BBS9: variants seen among roughly 807,000 people sequenced by gnomAD.
BBS9 encodes the protein protein PTHB1.
BBS9 carries 89 observed loss-of-function variants against 117.7 expected under a neutral mutation model. The observed-to-expected ratio is 0.76, with a 90% confidence interval of 0.64 to 0.90. The LOEUF (loss-of-function observed/expected upper bound fraction) is 0.90, where lower values mean the gene tolerates loss of function less well. BBS9 is among the 40% of genes least tolerant of loss of function. The probability of loss-of-function intolerance (pLI) is 0.00; values close to 1 mark genes in which losing one functional copy is unlikely to be tolerated. For synonymous variants in BBS9, 379 were observed against 370.9 expected (o/e 1.02, Z -0.25); for missense variants, 982 against 1,042.2 (o/e 0.94, Z 0.80).
chr7:33,633,978 A>G (rs1487649550), intron 21 of BBS9, among the ~76,000 whole-genome samples: 1 of 152,180 alleles, frequency 6.6e-6, no homozygotes, highest in African/African-American at 2.4e-5. Flanking sequence ...TTCACAATTC[A>G]GATCTGAGAC....
At chr7:33,402,650 T>C (rs922800989) in intron 19 of BBS9, among the ~76,000 whole-genome samples, 1 of 152,208 alleles carries the variant, frequency 6.6e-6, no homozygotes, top group South Asian at 2.1e-4. Context: ...TTTTTGAGGT[T>C]CATCTATCAG....
At chr7:33,166,501 C>T (rs915916908) in intron 4 of BBS9, among the ~76,000 whole-genome samples, 4 of 152,254 alleles carry the variant, frequency 2.6e-5, no homozygotes, top group Admixed American at 2.0e-4. Flanking sequence ...TGCTAAGCTG[C>T]GGTGGGCTCC....
intron 5 of BBS9, among the ~76,000 whole-genome samples, chr7:33,180,118 G>A (rs1007562884): frequency 1.7e-4 from 26 of 151,848 alleles, no homozygotes; most frequent in Admixed American, 3.9e-4. Context: ...TTCCATAACC[G>A]TCTTTCCTGC....
intron 9 of BBS9, among the ~76,000 whole-genome samples, chr7:33,296,433 A>G (rs186626901): frequency 7.9e-5 from 12 of 152,296 alleles, no homozygotes; most frequent in Admixed American, 2.0e-4. Context: ...CACAAGTTGC[A>G]TTATTTGGCA....
At chr7:33,326,303 C>A (rs1812830209) in intron 9 of BBS9, among the ~76,000 whole-genome samples, 1 of 147,734 alleles carries the variant, frequency 6.8e-6, no homozygotes, top group Non-Finnish European at 1.5e-5. Flanking sequence ...GCAGTGAGTA[C>A]TATCTGGCTA....
intron 3 of BBS9, 97 bp from the exon 4 acceptor site, chr7:33,155,541 G>T: frequency 1.3e-6 from 1 of 755,660 alleles, no homozygotes. Context: ...ACTCACAGTG[G>T]CTGTGGTTAT....
At chr7:33,283,267 T>G (rs537843422) in intron 9 of BBS9, among the ~76,000 whole-genome samples, 2 of 152,326 alleles carry the variant, frequency 1.3e-5, no homozygotes, top group East Asian at 3.9e-4. Flanking sequence ...AAAGTTGCTG[T>G]GGAAAAGCCT....
intron 19 of BBS9, among the ~76,000 whole-genome samples, chr7:33,419,133 AACTGT>A (rs1462753419): frequency 2.0e-5 from 3 of 152,128 alleles, no homozygotes; most frequent in African/African-American, 7.2e-5. Context: ...TTTAAGCTCA[AACTGT>A]AGTAAGGTCT....
At chr7:33,260,624 G>A (rs1162580420) in intron 6 of BBS9, among the ~76,000 whole-genome samples, 1 of 152,194 alleles carries the variant, frequency 6.6e-6, no homozygotes, top group Non-Finnish European at 1.5e-5. Context: ...CAACAGGCTT[G>A]TGTGCCATAC....
intron 21 of BBS9, among the ~76,000 whole-genome samples, chr7:33,624,451 A>T (rs1309270241): frequency 1.3e-5 from 2 of 152,132 alleles, no homozygotes; most frequent in Non-Finnish European, 2.9e-5. Context: ...GTATCTCCTC[A>T]TCCTGTAAAC....
chr7:33,397,635 C>T (rs1828215237), intron 19 of BBS9, among the ~76,000 whole-genome samples: 1 of 152,096 alleles, frequency 6.6e-6, no homozygotes, highest in Admixed American at 6.6e-5. Flanking sequence ...TACTATGCAG[C>T]TGTAAAAAGG....
rs114417688 is a variant in BBS9, at chr7:33,290,996, T to C, written c.1016+17040T>C. Among the ~76,000 whole-genome samples the C allele has an allele frequency of 2.8e-3, 423 of 152,302 alleles. 1 individual carries two copies. The highest frequency in any genetic ancestry group is 9.9e-3 in the African/African-American group (412 of 41,576). ...TAATTTCAGTTCAGTAAATATACCA[T>C]TTTTGTAGTTAAAAATTTAAAATAG... On this transcript the variant is annotated intron_variant, in intron 9 of 22. Transcript: ENST00000242067.
chr7:33,336,963 T>C (rs2128627261), intron 10 of BBS9, among the ~76,000 whole-genome samples: 1 of 152,282 alleles, frequency 6.6e-6, no homozygotes, highest in East Asian at 1.9e-4. Context: ...GAGTGGTCAT[T>C]TATTAACTTC....
intron 9 of BBS9, among the ~76,000 whole-genome samples, chr7:33,287,879 G>A (rs956016841): frequency 2.0e-5 from 3 of 152,124 alleles, no homozygotes; most frequent in African/African-American, 7.2e-5. Context: ...CAGTTAGGGT[G>A]GGTCCTCACT....
At chr7:33,203,658 G>A (rs966143557) in intron 5 of BBS9, among the ~76,000 whole-genome samples, 3 of 152,078 alleles carry the variant, frequency 2.0e-5, no homozygotes, top group Admixed American at 6.6e-5. Flanking sequence ...TAGGTTGCAT[G>A]TAACAAGTAT....
At chr7:33,526,332 C>G (rs1849492889) in intron 20 of BBS9, among the ~76,000 whole-genome samples, 1 of 152,178 alleles carries the variant, frequency 6.6e-6, no homozygotes, top group Admixed American at 6.5e-5. Context: ...TGGATAATAT[C>G]CTGTAGAGTG....
chr7:33,539,672 T>A (rs1268352851), intron 21 of BBS9, among the ~76,000 whole-genome samples: 2 of 152,240 alleles, frequency 1.3e-5, no homozygotes, highest in African/African-American at 4.8e-5. Flanking sequence ...ATATGCAAGT[T>A]ATTTTCATCA....
At chr7:33,464,032 C>T (rs911602842) in intron 19 of BBS9, among the ~76,000 whole-genome samples, 3 of 151,860 alleles carry the variant, frequency 2.0e-5, no homozygotes, top group African/African-American at 7.3e-5. Context: ...TTTTAAATGG[C>T]AATTCTAAAT....
Position 33,549,349 on chromosome 7 carries a change from T to C in BBS9, c.2521+15173T>C, listed in dbSNP as rs1395486703. Among the ~76,000 whole-genome samples the C allele has an allele frequency of 1.0e-4, 15 of 143,744 alleles. No homozygotes were observed. The East Asian group carries it at 2.8e-3, about 27-fold the overall frequency. The allele number at this position is 143,744 out of a possible 152,430, so 94.3% of individuals were successfully genotyped here. On this transcript the variant is annotated intron_variant, in intron 21 of 22. Transcript: ENST00000242067. ...CTAGAAGAAAACCTAGGCATCACCA[T>C]TCAGGACATAGGCATGGGCAAGGAC...
Sources: gnomAD v4.1 joint callset for allele counts (sites outside exome capture counted in the v4.1 genomes callset) on GRCh38, gnomAD v4.1.1 for gene constraint, MANE v1.5 for transcripts, NCBI Gene and HGNC (gene_info 2026-07-23, HGNC 2026-07-21) for gene names.